The following GTF2F2 variants were observed in gnomAD, a reference collection of about 807,000 sequenced individuals.
GTF2F2 encodes ATP-dependent helicase GTF2F2.
GTF2F2 carries 23 observed loss-of-function variants against 42.2 expected under a neutral mutation model. The observed-to-expected ratio is 0.55, with a 90% CI of 0.39 to 0.77. GTF2F2 has a LOEUF of 0.77. GTF2F2 is among the 30% of genes least tolerant of loss of function. GTF2F2 has a pLI of 0.00. For missense variants in GTF2F2, 261 were observed against 287.2 expected (o/e 0.91, Z 0.66); for synonymous variants, 105 against 100.8 (o/e 1.04, Z -0.25).
chr13:45,192,914 A>C (rs1255139300), intron 4 of GTF2F2: 1 of 152,174 alleles, frequency 6.6e-6, no homozygotes, highest in Non-Finnish European at 1.5e-5. Context: ...TAAGTTACCC[A>C]TGCTTTGTGG....
chr13:45,211,888 G>C (rs1404543427), intron 5 of GTF2F2, among the ~76,000 whole-genome samples: 2 of 152,160 alleles, frequency 1.3e-5, no homozygotes, highest in East Asian at 3.9e-4. Flanking sequence ...GCCAGCCCAG[G>C]CTCAAAATTT....
intron 4 of GTF2F2, among the ~76,000 whole-genome samples, chr13:45,165,326 T>C (rs1325099485): frequency 7.6e-6 from 1 of 132,014 alleles, no homozygotes; most frequent in Non-Finnish European, 1.6e-5. Context: ...TATATATATA[T>C]ATATATTTTT....
At chr13:45,163,392 C>T (rs1871125385) in intron 4 of GTF2F2, among the ~76,000 whole-genome samples, 1 of 151,974 alleles carries the variant, frequency 6.6e-6, no homozygotes, top group Non-Finnish European at 1.5e-5. Context: ...AAAAATTAGC[C>T]AGGCATGGTG....
intron 7 of GTF2F2, among the ~76,000 whole-genome samples, chr13:45,282,550 G>A (rs1269971482): frequency 6.6e-6 from 1 of 152,106 alleles, no homozygotes; most frequent in East Asian, 1.9e-4. Flanking sequence ...TGTTGCCCAG[G>A]CTAGAGTGCA....
chr13:45,126,579 T>C (rs981362879), intron 1 of GTF2F2, among the ~76,000 whole-genome samples: 1 of 152,180 alleles, frequency 6.6e-6, no homozygotes, highest in African/African-American at 2.4e-5. Flanking sequence ...GCTGCCCAGT[T>C]TGAGTGAATG....
chr13:45,229,183 C>T (rs925129165), intron 5 of GTF2F2, among the ~76,000 whole-genome samples: 1 of 151,920 alleles, frequency 6.6e-6, no homozygotes, highest in African/African-American at 2.4e-5. Flanking sequence ...GCACCTGGCT[C>T]TTCCCTTCCC....
At chr13:45,200,914 T>G (rs1320772828) in intron 4 of GTF2F2, among the ~76,000 whole-genome samples, 2 of 152,018 alleles carry the variant, frequency 1.3e-5, no homozygotes, top group Non-Finnish European at 2.9e-5. Context: ...GTAAGGAGAG[T>G]AACTTCGAGG....
At chr13:45,208,402 T>G (rs1394023098) in intron 5 of GTF2F2, among the ~76,000 whole-genome samples, 1 of 152,218 alleles carries the variant, frequency 6.6e-6, no homozygotes, top group African/African-American at 2.4e-5. Context: ...GTTTCATAGT[T>G]TATTTTTAAT....
Position 45,120,764 on chromosome 13 carries a change from G to C in GTF2F2, c.66+43G>C, listed in dbSNP as rs1399596748. 2.1e-6 allele frequency: 3 copies of C among 1,423,958 alleles called. No homozygotes were observed. The South Asian group carries it at 3.7e-5, about 17-fold the overall frequency. The allele number at this position is 1,423,958 out of a possible 1,614,324, so 88.2% of individuals were successfully genotyped here. On this transcript the variant is annotated intron_variant, in intron 1 of 7. Transcript: ENST00000340473. ...CCCACTTGCGCTCCTCCTAACACAA[G>C]TATAGTTTAAGTAACTTGAGCCTAT... is the stretch of plus-strand genomic sequence containing the variant.
At chr13:45,127,752 TCTCCCGAGTAGCTGGGATTACAGGCGC>T (rs1869102223) in intron 1 of GTF2F2, among the ~76,000 whole-genome samples, 1 of 151,332 alleles carries the variant, frequency 6.6e-6, no homozygotes, top group Non-Finnish European at 1.5e-5. Context: ...CCTGTCTCAG[TCTCCCGAGTAGCTGGGATTACAGGCGC>T]CTGCCACCAC....
At chr13:45,134,671 A>G (rs111921217) in intron 1 of GTF2F2, among the ~76,000 whole-genome samples, 1 of 152,150 alleles carries the variant, frequency 6.6e-6, no homozygotes, top group African/African-American at 2.4e-5. Context: ...TTGTTGAGAT[A>G]TGGAATCTTC....
At chr13:45,220,980 T>C (rs1874088588) in intron 5 of GTF2F2, 1 of 152,110 alleles carries the variant, frequency 6.6e-6, no homozygotes, top group African/African-American at 2.4e-5. Flanking sequence ...TGTGTGTGTA[T>C]ATATATAGAG....
At chr13:45,222,177 A>G (rs1156924779) in intron 5 of GTF2F2, among the ~76,000 whole-genome samples, 2 of 152,198 alleles carry the variant, frequency 1.3e-5, no homozygotes, top group African/African-American at 4.8e-5. Flanking sequence ...ACCACCTAGC[A>G]TAGTGTCTCA....
At chr13:45,219,279 A>G (rs1354184191) in intron 5 of GTF2F2, 1 of 152,204 alleles carries the variant, frequency 6.6e-6, no homozygotes, top group Non-Finnish European at 1.5e-5. Flanking sequence ...TTGAACCCAC[A>G]TCTGATTGAT....
intron 5 of GTF2F2, among the ~76,000 whole-genome samples, chr13:45,211,369 T>C (rs1332018474): frequency 6.9e-6 from 1 of 144,066 alleles, no homozygotes; most frequent in Non-Finnish European, 1.6e-5. Context: ...CTCAAAATTT[T>C]TTTTGTTTTT....
chr13:45,199,233 A>G (rs1219790677), intron 4 of GTF2F2, among the ~76,000 whole-genome samples: 1 of 152,254 alleles, frequency 6.6e-6, no homozygotes, highest in Non-Finnish European at 1.5e-5. Flanking sequence ...GAAGCCCAGG[A>G]AAATTGCCTA....
At chr13:45,275,970 A>G (rs1437903106) in intron 7 of GTF2F2, among the ~76,000 whole-genome samples, 1 of 152,158 alleles carries the variant, frequency 6.6e-6, no homozygotes, top group Non-Finnish European at 1.5e-5. Context: ...ATCTTTTTTT[A>G]TACATAACCT....
chr13:45,131,091 A>G (rs961911538), intron 1 of GTF2F2, among the ~76,000 whole-genome samples: 3 of 152,146 alleles, frequency 2.0e-5, no homozygotes, highest in Non-Finnish European at 4.4e-5. Flanking sequence ...CGTCTCTGCT[A>G]AAAATACAAA....
chr13:45,256,139 T>C (rs1876093565), intron 6 of GTF2F2, among the ~76,000 whole-genome samples: 1 of 152,194 alleles, frequency 6.6e-6, no homozygotes, highest in Admixed American at 6.5e-5. Context: ...CCTAATTTTC[T>C]TTTTTATAAA....
Sources: allele counts gnomAD v4.1 joint callset (sites outside exome capture counted in the v4.1 genomes callset), GRCh38; gene constraint gnomAD v4.1.1; transcripts MANE v1.5; gene names NCBI Gene and HGNC (gene_info 2026-07-23, HGNC 2026-07-21).